RPS20: variants seen among roughly 807,000 people sequenced by gnomAD.
The protein encoded by RPS20 is ribosomal protein S20.
A neutral mutation model predicts 15.3 loss-of-function variants in RPS20; 3 were observed. The ratio of observed to expected loss-of-function variants is 0.20; its 90% confidence interval spans 0.09 to 0.51. The LOEUF (loss-of-function observed/expected upper bound fraction) is 0.51. Ranked by LOEUF, RPS20 falls within the 20% of genes least tolerant of loss-of-function variation. The pLI, the probability that RPS20 is intolerant of heterozygous loss-of-function variation, is 0.96. For synonymous variants in RPS20, 62 were observed against 47.8 expected (o/e 1.30, Z -1.23); for missense variants, 67 against 145.9 (o/e 0.46, Z 2.79).
At chr8:56,074,326 TC>T in intron 1 of RPS20, 54 bp downstream of exon 1, 6 of 1,543,378 alleles carry the variant, frequency 3.9e-6, no homozygotes, top group African/African-American at 1.4e-5. Context: ...GAAACCGGGG[TC>T]CCCCCGGCGC....
At chr8:56,068,313 G>GT (rs1174332169), downstream of RPS20, 1 of 152,144 alleles carries the variant, frequency 6.6e-6, no homozygotes. Context: ...TGAGGTGTGT[G>GT]TATCACCTGA....
downstream of RPS20, among the ~76,000 whole-genome samples, chr8:56,070,088 A>C (rs547936775): frequency 5.3e-5 from 8 of 152,166 alleles, no homozygotes; most frequent in East Asian, 1.9e-4. Flanking sequence ...CTGATCCCCC[A>C]CAGATACTTA....
chr8:56,073,905 G>GT (rs746760128), intron 2 of RPS20, 137 bp from the exon 3 acceptor site: 126 of 1,084,910 alleles, frequency 1.2e-4, no homozygotes, highest in Non-Finnish European at 1.8e-4. Context: ...ATCGCCAGCT[G>GT]TATGACAGTA....
chr8:56,069,800 T>C, downstream of RPS20: 5 of 1,548,084 alleles, frequency 3.2e-6, no homozygotes, highest in East Asian at 2.4e-5. Context: ...TGGCCCTCTG[T>C]ATCCATGGGT....
downstream of RPS20, among the ~76,000 whole-genome samples, chr8:56,071,532 T>C (rs528352333): frequency 1.3e-4 from 20 of 152,332 alleles, no homozygotes; most frequent in South Asian, 4.1e-4. Flanking sequence ...TCAGAAGGAA[T>C]TGGATGTTGG....
intron 2 of RPS20, 72 bp downstream of exon 2, chr8:56,073,988 C>A (rs1809849471): frequency 2.4e-6 from 3 of 1,275,058 alleles, no homozygotes; most frequent in South Asian, 1.2e-5. Flanking sequence ...ACCTTCTACA[C>A]TAACATTAAC....
Position 56,073,098 on chromosome 8 carries a change from C to T in RPS20, c.352G>A (p.Asp118Asn). The T allele has an allele frequency of 6.3e-7, 1 of 1,595,040 alleles. No homozygotes were observed. The part of the protein sequence containing the change: ...PGVEVEVTIA[D>N]A ...TTATTAAAATAGTTGACTTAAGCAT[C>T]TGCAATGGTGACTTCCACCTCAACT... Residue 118 changes from aspartate to asparagine, a missense_variant, in exon 4 of 4, where the codon GAT becomes AAT. Transcript: ENST00000009589.
At chr8:56,069,231 T>G (rs1809687858), downstream of RPS20, among the ~76,000 whole-genome samples, 1 of 150,894 alleles carries the variant, frequency 6.6e-6, no homozygotes, top group Admixed American at 6.6e-5. Flanking sequence ...TTTGCGCCTC[T>G]GACTTACTTT....
At chr8:56,072,834 G>C (rs937270700), downstream of RPS20, 4 of 1,169,832 alleles carry the variant, frequency 3.4e-6, no homozygotes, top group Admixed American at 8.0e-5. Context: ...AATTTATCTA[G>C]AGTATGCCAA....
At chr8:56,069,329 C>T (rs547367076), downstream of RPS20, among the ~76,000 whole-genome samples, 9 of 152,162 alleles carry the variant, frequency 5.9e-5, no homozygotes, top group South Asian at 4.2e-4. Flanking sequence ...TTGGCAATCT[C>T]GGCTCCACAG....
At chr8:56,069,248 T>G (rs1358044802), downstream of RPS20, among the ~76,000 whole-genome samples, 1 of 145,920 alleles carries the variant, frequency 6.9e-6, no homozygotes, top group East Asian at 1.9e-4. Flanking sequence ...CTTTTTCCTT[T>G]ATTATTTTTT....
chr8:56,073,928 AGC>A (rs1809846043), intron 2 of RPS20, 130 bp downstream of exon 2: 2 of 1,104,398 alleles, frequency 1.8e-6, no homozygotes, highest in Non-Finnish European at 2.8e-6. Flanking sequence ...AGCAATTTTA[AGC>A]CACGCTTTAC....
At chr8:56,071,129 T>C (rs137945086), downstream of RPS20, among the ~76,000 whole-genome samples, 1,129 of 152,380 alleles carry the variant, frequency 7.4e-3, 11 homozygotes, top group Non-Finnish European at 0.011. Flanking sequence ...ACTTTAACCA[T>C]TGTGAAAAAA....
At chr8:56,068,803 ATATCTTTTTTT>A (rs1563345610), downstream of RPS20, among the ~76,000 whole-genome samples, 13 of 92,636 alleles carry the variant, frequency 1.4e-4, no homozygotes, top group Admixed American at 5.3e-4. Flanking sequence ...CTTGGTGAAA[ATATCTTTTTTT>A]TTTTTTTTTT....
downstream of RPS20, among the ~76,000 whole-genome samples, chr8:56,072,255 G>A (rs1220107101): frequency 6.6e-6 from 1 of 151,576 alleles, no homozygotes; most frequent in Non-Finnish European, 1.5e-5. Flanking sequence ...TTTAAAAAAT[G>A]TAAAAGTGAA....
At chr8:56,072,950 A>C, downstream of RPS20, 1 of 1,421,440 alleles carries the variant, frequency 7.0e-7, no homozygotes, top group Non-Finnish European at 9.2e-7. Context: ...AACAGGATAG[A>C]CCACTCTAAG....
At chr8:56,071,966 G>C (rs1420641513), downstream of RPS20, among the ~76,000 whole-genome samples, 1 of 152,150 alleles carries the variant, frequency 6.6e-6, no homozygotes, top group East Asian at 1.9e-4. Context: ...TCTAGGCTGG[G>C]TACAGTGGCT....
In RPS20 at chr8:56,074,040, C is replaced by A. The variant is rs770646504; in HGVS notation, c.103+20G>T. ...TTTTCGCCCAATTCCCCCTCCCCCC[C>A]GCATAACGAATGCACTGACCCTTTT... On this transcript the variant is annotated intron_variant, in intron 2 of 3. Transcript: ENST00000009589. 1 of 1,588,870 alleles carries A rather than the reference C, an allele frequency of 6.3e-7. No homozygotes were observed. Among genetic ancestry groups the A allele is most frequent in the Non-Finnish European group, 8.6e-7 (1 of 1,157,178 alleles).
exon 6 of RPS20, chr8:56,067,894 T>C (rs1809654055): frequency 1.3e-5 from 2 of 152,270 alleles, no homozygotes; most frequent in Non-Finnish European, 2.9e-5. Context: ...TAGTGTTTAA[T>C]GGGTAAGAGG....
Sources: gnomAD v4.1 joint callset for allele counts (sites outside exome capture counted in the v4.1 genomes callset) on GRCh38, gnomAD v4.1.1 for gene constraint, MANE v1.5 for transcripts, NCBI Gene and HGNC (gene_info 2026-07-23, HGNC 2026-07-21) for gene names.